The following PYHIN1 variants were observed in gnomAD, a reference collection of about 807,000 sequenced individuals.
PYHIN1 encodes pyrin and HIN domain family member 1.
PYHIN1 carries 32 observed loss-of-function variants against 43.7 expected under a neutral mutation model. The observed-to-expected ratio is 0.73, with a 90% CI of 0.55 to 0.98. The LOEUF is 0.98. PYHIN1 is among the 50% of genes least tolerant of loss of function. The pLI is 0.00. For missense variants in PYHIN1, 588 were observed against 589.5 expected, an observed-to-expected ratio of 1.00 and a Z score of 0.03; for synonymous variants, 205 against 203.1, an observed-to-expected ratio of 1.01 and a Z score of -0.08.
chr1:158,942,174 G>A lies in PYHIN1; in HGVS notation c.777G>A (p.Leu259=). ...FFHVKVLNIN[L]KRKFIKKRII... ...ATGTGAAGGTTTTAAACATCAACTTGAAGAGGAAATTCATTAAAAAGAGAA... is the reference window on the plus strand; with the variant it reads ...ATGTGAAGGTTTTAAACATCAACTTAAAGAGGAAATTCATTAAAAAGAGAA... Residue 259 remains leucine, a synonymous_variant, in exon 5 of 9, where the codon TTG becomes TTA. Transcript: ENST00000368140. 1 of 1,614,070 alleles carries A rather than the reference G, an allele frequency of 6.2e-7. No individual in the cohort carries two copies.
chr1:158,965,279 T>C (rs767575924), intron 7 of PYHIN1, among the ~76,000 whole-genome samples: 3 of 152,056 alleles, frequency 2.0e-5, no homozygotes, highest in Non-Finnish European at 2.9e-5. Flanking sequence ...TAGAGTCACA[T>C]ACAATAATAG....
chr1:158,961,986 C>G (rs370016252), intron 7 of PYHIN1, among the ~76,000 whole-genome samples: 1 of 152,182 alleles, frequency 6.6e-6, no homozygotes, highest in Non-Finnish European at 1.5e-5. Context: ...CAGCCACCCC[C>G]CTGCCTGAGC....
chr1:158,990,392 A>G, the PYHIN1 span, among the ~76,000 whole-genome samples: 1 of 151,930 alleles, frequency 6.6e-6, no homozygotes, highest in African/African-American at 2.4e-5. Context: ...TAATTTTCTA[A>G]GTTGACAGAC....
At chr1:158,966,563 T>C (rs1650645141) in intron 7 of PYHIN1, among the ~76,000 whole-genome samples, 1 of 152,038 alleles carries the variant, frequency 6.6e-6, no homozygotes, top group South Asian at 2.1e-4. Flanking sequence ...CAAAGTTACA[T>C]ATACAAAACA....
chr1:158,971,494 GT>G (rs1037444749), intron 7 of PYHIN1, among the ~76,000 whole-genome samples: 73 of 151,996 alleles, frequency 4.8e-4, no homozygotes, highest in African/African-American at 1.7e-3. Context: ...TGTGATTGCT[GT>G]TGGGAATCCT....
intron 7 of PYHIN1, among the ~76,000 whole-genome samples, chr1:158,972,940 T>A (rs1344938394): frequency 2.0e-5 from 3 of 152,086 alleles, no homozygotes; most frequent in African/African-American, 7.2e-5. Context: ...AAAACAAAGG[T>A]CCATGAATGA....
intron 7 of PYHIN1, among the ~76,000 whole-genome samples, chr1:158,963,321 C>T (rs1650436131): frequency 1.3e-5 from 2 of 152,146 alleles, no homozygotes; most frequent in African/African-American, 4.8e-5. Flanking sequence ...GGGCCCACAG[C>T]ACAGCTGCCC....
intron 5 of PYHIN1, 108 bp downstream of exon 5, chr1:158,942,507 ACT>A: frequency 1.2e-6 from 1 of 854,730 alleles, no homozygotes; most frequent in Non-Finnish European, 1.8e-6. Flanking sequence ...AAAACTCAGG[ACT>A]CTCTCAAAAC....
chr1:158,949,157 A>C (rs1007007541), intron 7 of PYHIN1, among the ~76,000 whole-genome samples: 1 of 152,060 alleles, frequency 6.6e-6, no homozygotes, highest in Non-Finnish European at 1.5e-5. Flanking sequence ...GTCTGGGATA[A>C]CCCATCCCCC....
downstream of PYHIN1, among the ~76,000 whole-genome samples, chr1:158,980,024 G>A (rs1358501546): frequency 6.6e-6 from 1 of 152,136 alleles, no homozygotes; most frequent in Non-Finnish European, 1.5e-5. Flanking sequence ...TTCAGATAAT[G>A]CCTTGCAGCT....
intron 7 of PYHIN1, among the ~76,000 whole-genome samples, chr1:158,969,391 A>G (rs1048695133): frequency 6.6e-6 from 1 of 151,964 alleles, no homozygotes; most frequent in Non-Finnish European, 1.5e-5. Context: ...AGGAAAACTG[A>G]GTCACTATCT....
chr1:158,955,992 A>G (rs1649897080), intron 7 of PYHIN1, among the ~76,000 whole-genome samples: 1 of 142,958 alleles, frequency 7.0e-6, no homozygotes, highest in Non-Finnish European at 1.5e-5. Flanking sequence ...CAAATAAACT[A>G]GAAAATCTAG....
At chr1:158,955,531 A>G (rs2101692088) in intron 7 of PYHIN1, among the ~76,000 whole-genome samples, 1 of 152,076 alleles carries the variant, frequency 6.6e-6, no homozygotes, top group Admixed American at 6.5e-5. Flanking sequence ...GAAGGCAGAA[A>G]TAAAGATGTT....
intron 7 of PYHIN1, among the ~76,000 whole-genome samples, chr1:158,953,505 C>A (rs1400992472): frequency 1.3e-4 from 20 of 150,606 alleles, no homozygotes; most frequent in Non-Finnish European, 2.5e-4. Flanking sequence ...ACACCTCACA[C>A]GGCAGGGTAC....
the PYHIN1 span, among the ~76,000 whole-genome samples, chr1:158,985,029 T>C: frequency 6.6e-6 from 1 of 152,174 alleles, no homozygotes; most frequent in Non-Finnish European, 1.5e-5. Context: ...CCTCCATCCA[T>C]TTAATTTAAG....
chr1:158,963,117 G>GCA (rs1557840380), intron 7 of PYHIN1, among the ~76,000 whole-genome samples: 21 of 152,168 alleles, frequency 1.4e-4, no homozygotes, highest in Admixed American at 5.2e-4. Context: ...CAGTAGCAGC[G>GCA]GCTCTGCATC....
chr1:158,938,483 G>C lies in PYHIN1; in HGVS notation c.352G>C (p.Ala118Pro). The C allele has an allele frequency of 6.2e-7, 1 of 1,614,186 alleles. No homozygotes were observed. Among genetic ancestry groups the C allele is most frequent in the East Asian group, 2.2e-5 (1 of 44,878 alleles). Residue 118 changes from alanine to proline, a missense_variant, in exon 3 of 9, where the codon GCA becomes CCA. Coordinates refer to ENST00000368140, the MANE Select transcript of PYHIN1 (RefSeq NM_152501.5). ...GAAAGAAGTGTATCCTGCTACACCT[G>C]CATGCACCCCAAGCAACCGTCTCAC... is the stretch of plus-strand genomic sequence containing the variant. The part of the protein sequence containing the change: ...KQKEVYPATP[A>P]CTPSNRLTAK...
intron 7 of PYHIN1, among the ~76,000 whole-genome samples, chr1:158,951,063 G>T (rs577527172): frequency 6.6e-6 from 1 of 152,292 alleles, no homozygotes; most frequent in African/African-American, 2.4e-5. Context: ...TAACTGATTA[G>T]GTTCTAGTCC....
At chr1:158,944,090 A>C in intron 6 of PYHIN1, 112 bp downstream of exon 6, 2 of 763,248 alleles carry the variant, frequency 2.6e-6, no homozygotes, top group East Asian at 5.5e-5. Flanking sequence ...AGAGTTCATG[A>C]GAAACCAAAT....
Sources: gnomAD v4.1 joint callset for allele counts (sites outside exome capture counted in the v4.1 genomes callset) on GRCh38, gnomAD v4.1.1 for gene constraint, MANE v1.5 for transcripts, NCBI Gene and HGNC (gene_info 2026-07-23, HGNC 2026-07-21) for gene names.